AGO1: variants seen among roughly 807,000 people sequenced by gnomAD.
The protein encoded by AGO1 is protein argonaute-1.
AGO1 carries 11 observed loss-of-function variants against 109.2 expected under a neutral mutation model. The ratio of observed to expected loss-of-function variants is 0.10; its 90% CI spans 0.06 to 0.17. The LOEUF is 0.17. Ranked by LOEUF, AGO1 falls within the 10% of genes least tolerant of loss-of-function variation. The pLI is 1.00. For missense variants in AGO1, 574 were observed against 1,140.3 expected, an observed-to-expected ratio of 0.50 and a Z score of 7.15; for synonymous variants, 422 against 418.6, an observed-to-expected ratio of 1.01 and a Z score of -0.10.
intron 1 of AGO1, among the ~76,000 whole-genome samples, chr1:35,887,228 A>G (rs1227097927): frequency 6.6e-6 from 1 of 151,728 alleles, no homozygotes; most frequent in Non-Finnish European, 1.5e-5. Context: ...CCTCTTCCTG[A>G]CCCCCAGCTG....
intron 1 of AGO1, among the ~76,000 whole-genome samples, chr1:35,870,840 C>T (rs1375814917): frequency 1.3e-5 from 2 of 152,184 alleles, no homozygotes; most frequent in African/African-American, 4.8e-5. Flanking sequence ...TATCCTTAAA[C>T]CACATAGTTT....
chr1:35,905,887 T>C (rs1431243111), intron 11 of AGO1, among the ~76,000 whole-genome samples: 1 of 152,230 alleles, frequency 6.6e-6, no homozygotes, highest in Non-Finnish European at 1.5e-5. Context: ...CTGTTTCTTT[T>C]CTTGTGTGTT....
At chr1:35,898,582 G>GATTGTTTCCCAAAGTAGCTATGAT (rs1382493542) in intron 8 of AGO1, among the ~76,000 whole-genome samples, 1 of 152,184 alleles carries the variant, frequency 6.6e-6, no homozygotes, top group Non-Finnish European at 1.5e-5. Flanking sequence ...TGAGCTGCCT[G>GATTGTTTCCCAAAGTAGCTATGAT]ATTGTTTCCC....
At chr1:35,884,212 C>T (rs1645082472) in intron 1 of AGO1, among the ~76,000 whole-genome samples, 1 of 151,798 alleles carries the variant, frequency 6.6e-6, no homozygotes, top group African/African-American at 2.4e-5. Flanking sequence ...GGGGCTCTTA[C>T]ACTTGGCCCT....
chr1:35,912,449 CTT>C (rs958251023), intron 12 of AGO1, among the ~76,000 whole-genome samples: 2 of 151,422 alleles, frequency 1.3e-5, no homozygotes, highest in Admixed American at 6.6e-5. Flanking sequence ...TCAGACTACT[CTT>C]TTGAGCATCG....
intron 1 of AGO1, among the ~76,000 whole-genome samples, chr1:35,887,322 C>T (rs1557602829): frequency 6.6e-6 from 1 of 152,188 alleles, no homozygotes; most frequent in Non-Finnish European, 1.5e-5. Flanking sequence ...TTATCCCTCT[C>T]TTCTCCCACC....
rs759663700 is a variant in AGO1 at position 35,915,441 on chromosome 1, A to G, written c.1927A>G (p.Met643Val). 2 of 1,614,108 alleles carry G rather than the reference A, an allele frequency of 1.2e-6. No individual in the cohort carries two copies. Among genetic ancestry groups the G allele is most frequent in the East Asian group, 2.2e-5 (1 of 44,856 alleles). ...AGAGATCATTGAAGACTTGTCCTAC[A>G]TGGTGCGTGAGCTCCTCATCCAATT... ...RQEIIEDLSY[M>V]VRELLIQFYK... is the part of the protein sequence containing the mutation. Residue 643 changes from methionine to valine, a missense_variant, in exon 15 of 19, where the codon ATG becomes GTG. By Grantham distance (21) the Met-to-Val change is conservative. Transcript: ENST00000373204.
At chr1:35,916,083 G>GTAT (rs1557622577) in intron 15 of AGO1, among the ~76,000 whole-genome samples, 3 of 150,646 alleles carry the variant, frequency 2.0e-5, no homozygotes, top group Admixed American at 6.6e-5. Flanking sequence ...CCATTTAATA[G>GTAT]TATTATAACT....
Position 35,924,232 on chromosome 1 carries a change from T to TCAG in AGO1, c.*4646_*4648dup, listed in dbSNP as rs889197162. On this transcript the variant is annotated 3_prime_UTR_variant, in exon 19 of 19. Coordinates refer to ENST00000373204, the MANE Select transcript of AGO1 (RefSeq NM_012199.5). Reference sequence around the variant, plus strand: ...ACAGTTCCTTCTGAAGCAAGCAACATCAGCAGCAGCAGCAGCAGCAGCACA... The same window carrying TCAG: ...ACAGTTCCTTCTGAAGCAAGCAACATCAGCAGCAGCAGCAGCAGCAGCAGCACA... 8.7e-4 allele frequency: 134 copies of TCAG among 154,312 alleles called. No individual in the cohort carries two copies. The highest frequency in any genetic ancestry group is 2.0e-3 in the South Asian group (10 of 4,930). The allele number at this position is 154,312 out of a possible 1,614,324, so 9.6% of individuals were successfully genotyped here. A position where few individuals can be genotyped will look rare whatever the true frequency, so the allele number is the denominator to read the frequency against.
chr1:35,914,078 G>A, intron 13 of AGO1, 77 bp downstream of exon 13: 1 of 1,601,248 alleles, frequency 6.2e-7, no homozygotes. Context: ...CCCTGGCCAG[G>A]CAGACTGAAT....
intron 12 of AGO1, among the ~76,000 whole-genome samples, chr1:35,912,431 T>C (rs1158259477): frequency 6.6e-6 from 1 of 150,414 alleles, no homozygotes; most frequent in Non-Finnish European, 1.5e-5. Context: ...CAAATTTGCA[T>C]CTCCATTTCA....
rs148869942 is a variant in AGO1 at position 35,917,469 on chromosome 1, G to A, written c.2029-124G>A. The A allele has an allele frequency of 4.6e-5, 50 of 1,088,854 alleles. No individual in the cohort carries two copies. The East Asian group carries it at 1.2e-3, about 27-fold the overall frequency. The allele number at this position is 1,088,854 out of a possible 1,614,324, so 67.4% of individuals were successfully genotyped here. Reference sequence around the variant, plus strand: ...TGTCATCTCTAATTGTTGAGCATCAGCATATAAAGGGAGACTGAGCCAAAA... The same window carrying A: ...TGTCATCTCTAATTGTTGAGCATCAACATATAAAGGGAGACTGAGCCAAAA... On this transcript the variant is annotated intron_variant, in intron 15 of 18. Transcript: ENST00000373204.
chr1:35,887,105 A>G (rs1645133479), intron 1 of AGO1, among the ~76,000 whole-genome samples: 1 of 152,158 alleles, frequency 6.6e-6, no homozygotes, highest in Admixed American at 6.5e-5. Flanking sequence ...TTTTCCATCC[A>G]GGCTGGGCCT....
chr1:35,901,998 C>T lies in AGO1; in HGVS notation c.1191C>T (p.Ile397=), dbSNP rs1328358090. 1 of 1,611,476 alleles carries T rather than the reference C, an allele frequency of 6.2e-7. No homozygotes were observed. Among genetic ancestry groups the T allele is most frequent in the Non-Finnish European group, 8.5e-7 (1 of 1,178,834 alleles). Residue 397 remains isoleucine (I), a synonymous_variant, in exon 10 of 19, where the codon ATC becomes ATT. Coordinates refer to ENST00000373204, the MANE Select transcript of AGO1 (RefSeq NM_012199.5). This position sits in a 1 kb window ranked among gnomAD's most constrained non-coding sequence, Gnocchi z 4.8. ...NLDPYIQEFG[I]KVKDDMTEVT... The stretch of plus-strand genomic sequence containing the variant: ...ATCCCTACATCCAGGAATTTGGGAT[C>T]AAAGTGAAGGATGACATGACGGAGG...
chr1:35,903,887 C>T (rs1183392018), intron 11 of AGO1, among the ~76,000 whole-genome samples: 2 of 151,666 alleles, frequency 1.3e-5, no homozygotes, highest in African/African-American at 2.4e-5. Flanking sequence ...CGCTTGAACC[C>T]GGGAGGCAGA....
intron 16 of AGO1, among the ~76,000 whole-genome samples, chr1:35,918,036 T>C (rs907915267): frequency 6.6e-6 from 1 of 152,216 alleles, no homozygotes; most frequent in African/African-American, 2.4e-5. Context: ...TGCCAGATAC[T>C]GTACAAGGCG....
rs1198233881 is a variant in AGO1, at chr1:35,904,108, C to CT, written c.1397+1792dup. Among the ~76,000 whole-genome samples, 941 of 110,944 alleles carry CT rather than the reference C, an allele frequency of 8.5e-3. 12 individuals are homozygous for CT. The highest frequency in any genetic ancestry group is 0.011 in the Non-Finnish European group (669 of 59,744). The allele number at this position is 110,944 out of a possible 152,430, so 72.8% of individuals were successfully genotyped here. A position where few individuals can be genotyped will look rare whatever the true frequency, so the allele number is the denominator to read the frequency against. On this transcript the variant is annotated intron_variant, in intron 11 of 18. Coordinates refer to ENST00000373204, the MANE Select transcript of AGO1 (RefSeq NM_012199.5). ...GGGTTCTTGTCTCCTTTCCTGAGCT[C>CT]TTTTTTTTTTTTTTTTTTTTTGAGG...
At position 35,919,202 on chromosome 1, in the gene AGO1, C is replaced by T. The variant is rs1257568536; in HGVS notation, c.2413C>T (p.Arg805Cys). ...TATCCCAGCACCTGCCTACTATGCC[C>T]GCCTGGTGGCTTTCCGGGCACGATA... is the stretch of plus-strand genomic sequence containing the variant. ...VSIPAPAYYA[R>C]LVAFRARYHL... Residue 805 changes from arginine (R) to cysteine (C), a missense_variant, in exon 18 of 19, where the codon CGC (arginine) becomes TGC (cysteine). Around this residue, in one of 8 missense-constraint regions of AGO1, gnomAD observed 62 missense variants for 192.0 expected, o/e 0.32. Coordinates refer to ENST00000373204, the MANE Select transcript of AGO1 (RefSeq NM_012199.5). This position sits in a 1 kb window ranked among gnomAD's most constrained non-coding sequence, Gnocchi z 6.6. The T allele has an allele frequency of 3.7e-6, 6 of 1,614,014 alleles. No homozygotes were observed. The highest frequency in any genetic ancestry group is 4.2e-6 in the Non-Finnish European group (5 of 1,180,028).
chr1:35,924,926 A>G lies in AGO1; in HGVS notation c.*5319A>G, dbSNP rs663163. The G allele has an allele frequency of 0.25, 38,161 of 151,878 alleles. 8,042 individuals are homozygous for G. Among genetic ancestry groups the G allele is most frequent in the East Asian group, 0.69 (3,527 of 5,114 alleles). The allele number at this position is 151,878 out of a possible 1,614,324, so 9.4% of individuals were successfully genotyped here. The stretch of plus-strand genomic sequence containing the variant: ...ACTGTAAAACTGCATTTATAGATAC[A>G]GGAGTCTTATAGATGGTAGTTAAAG... On this transcript the variant is annotated 3_prime_UTR_variant, in exon 19 of 19. Transcript: ENST00000373204.
Sources: gnomAD v4.1 joint callset for allele counts (sites outside exome capture counted in the v4.1 genomes callset) on GRCh38, gnomAD v4.1.1 for gene constraint, gnomAD v4.1.1 regional missense constraint, Gnocchi (gnomAD v3.1) non-coding constraint, MANE v1.5 for transcripts, NCBI Gene and HGNC (gene_info 2026-07-23, HGNC 2026-07-21) for gene names.